Variants in TMEM209 observed in about 807,000 individuals in gnomAD.
TMEM209 encodes testicular tissue protein Li 202.
Under a neutral mutation model 76.2 loss-of-function variants are expected in TMEM209, and 65 were observed. That is an observed-to-expected ratio of 0.85 (90% CI 0.70 to 1.05). The LOEUF (loss-of-function observed/expected upper bound fraction) is 1.05. Ranked by LOEUF, TMEM209 falls within the 50% of genes least tolerant of loss-of-function variation. The probability of loss-of-function intolerance (pLI) is 0.00; values close to 1 mark genes in which losing one functional copy is unlikely to be tolerated. For missense variants in TMEM209, 623 were observed against 685.5 expected (o/e 0.91, Z 1.02); for synonymous variants, 239 against 237.6 (o/e 1.01, Z -0.06).
intron 10 of TMEM209, among the ~76,000 whole-genome samples, chr7:130,176,656 A>G (rs1584670694): frequency 6.6e-5 from 10 of 152,168 alleles, no homozygotes; most frequent in Admixed American, 6.5e-4. Context: ...ACTAAAGACA[A>G]ACAATCCAGT....
intron 6 of TMEM209, among the ~76,000 whole-genome samples, chr7:130,186,515 AATAGAG>A (rs1797602754): frequency 6.6e-6 from 1 of 152,228 alleles, no homozygotes. Context: ...TGATTTAATA[AATAGAG>A]AACAGAAATG....
rs1442100194 is a variant in TMEM209, at chr7:130,192,773, T to C, written c.624A>G (p.Gly208=). The part of the protein sequence containing the change: ...SPPSPYPTTV[G]PVESSGLRSR... ...ATCTCAATCCACTGCTCTCCACTGG[T>C]CCAACAGTGGTAGGGTACGGAGAAG... is the stretch of plus-strand genomic sequence containing the variant. The change falls in exon 6 of 15, where the codon GGA becomes GGG. Residue 208 remains glycine (G), a synonymous_variant. Coordinates refer to ENST00000397622, the MANE Select transcript of TMEM209 (RefSeq NM_032842.4). 3 of 1,613,838 alleles carry C rather than the reference T, an allele frequency of 1.9e-6. No homozygotes were observed. The African/African-American group carries it at 4.0e-5, about 22-fold the overall frequency.
Position 130,192,763 on chromosome 7 carries a change from T to TCTC in TMEM209, c.631_633dup (p.Glu211dup). On this transcript the variant is annotated inframe_insertion, in exon 6 of 15. Coordinates refer to ENST00000397622, the MANE Select transcript of TMEM209 (RefSeq NM_032842.4). ...CGGTAGCGAGATCTCAATCCACTGC[T>TCTC]CTCCACTGGTCCAACAGTGGTAGGG... is the stretch of plus-strand genomic sequence containing the variant. The TCTC allele has an allele frequency of 6.2e-7, 1 of 1,613,928 alleles. No homozygotes were observed. The highest frequency in any genetic ancestry group is 8.5e-7 in the Non-Finnish European group (1 of 1,179,852).
chr7:130,195,584 T>C (rs963530061), intron 5 of TMEM209, among the ~76,000 whole-genome samples: 2 of 152,024 alleles, frequency 1.3e-5, no homozygotes, highest in African/African-American at 2.4e-5. Flanking sequence ...CTTGCATTGT[T>C]AGGATAAATT....
chr7:130,193,399 G>A (rs1347102878), intron 5 of TMEM209, among the ~76,000 whole-genome samples: 2 of 152,098 alleles, frequency 1.3e-5, no homozygotes, highest in Non-Finnish European at 1.5e-5. Flanking sequence ...TTAGCTGGGC[G>A]TGGTGGTGCA....
At chr7:130,196,237 G>A (rs1450922318) in intron 5 of TMEM209, among the ~76,000 whole-genome samples, 3 of 151,786 alleles carry the variant, frequency 2.0e-5, no homozygotes, top group African/African-American at 7.3e-5. Flanking sequence ...AAAACTTAAG[G>A]GCCCTACAGT....
At chr7:130,182,002 G>A (rs777741586) in intron 8 of TMEM209, 119 of 271,064 alleles carry the variant, frequency 4.4e-4, no homozygotes, top group Admixed American at 1.6e-3. Context: ...GTGCAATGGC[G>A]CAATCTCAGC....
intron 6 of TMEM209, among the ~76,000 whole-genome samples, chr7:130,188,595 CAAAAAA>C (rs10649977): frequency 6.2e-4 from 45 of 72,676 alleles, no homozygotes; most frequent in African/African-American, 2.4e-3. Context: ...GACTCCGTAT[CAAAAAA>C]AAAAAAAAAA....
intron 5 of TMEM209, among the ~76,000 whole-genome samples, chr7:130,193,460 C>T (rs983288726): frequency 2.0e-5 from 3 of 151,672 alleles, no homozygotes; most frequent in African/African-American, 7.3e-5. Flanking sequence ...ATCGCTTAAA[C>T]CCCGGGAGGC....
At chr7:130,171,835 C>T (rs184495627) in intron 13 of TMEM209, among the ~76,000 whole-genome samples, 6 of 152,238 alleles carry the variant, frequency 3.9e-5, no homozygotes, top group African/African-American at 1.2e-4. Flanking sequence ...CAAGACCATC[C>T]TGGCTAACAC....
chr7:130,168,122 G>A (rs1796938337), intron 14 of TMEM209, among the ~76,000 whole-genome samples: 3 of 152,058 alleles, frequency 2.0e-5, no homozygotes, highest in Admixed American at 6.5e-5. Flanking sequence ...ATGACAGACC[G>A]TATATGGCAC....
Position 130,181,777 on chromosome 7 carries a change from T to C in TMEM209, c.1024-58A>G, listed in dbSNP as rs180788833. 683 of 1,396,280 alleles carry C rather than the reference T, an allele frequency of 4.9e-4. 3 individuals carry two copies. The African/African-American group carries it at 8.6e-3, about 18-fold the overall frequency. 86.5% of individuals were successfully genotyped at this position (1,396,280 alleles called of 1,614,324 possible). A position where few individuals can be genotyped will look rare whatever the true frequency, so the allele number is the denominator to read the frequency against. The stretch of plus-strand genomic sequence containing the variant: ...TAATTCCCAAGTAGCTGTCAAATAA[T>C]TACTTTCTTTTTTACAAGCAACTCT... On this transcript the variant is annotated intron_variant, in intron 8 of 14. Coordinates refer to ENST00000397622, the MANE Select transcript of TMEM209 (RefSeq NM_032842.4).
intron 13 of TMEM209, among the ~76,000 whole-genome samples, chr7:130,173,113 A>AT (rs1797127231): frequency 6.6e-6 from 1 of 152,078 alleles, no homozygotes; most frequent in African/African-American, 2.4e-5. Context: ...ATTTTAGCCC[A>AT]TAAAAAATAT....
rs568024104 is a variant in TMEM209 at position 130,192,570 on chromosome 7, A to G, written c.775+52T>C. ...ATTAAAATAATGAAAATAGTAGGTTAAGGATTGACACCAAAAATATGTATA... is the reference window on the plus strand; with the variant it reads ...ATTAAAATAATGAAAATAGTAGGTTGAGGATTGACACCAAAAATATGTATA... On this transcript the variant is annotated intron_variant, in intron 6 of 14. Transcript: ENST00000397622. The G allele has an allele frequency of 3.6e-5, 53 of 1,481,958 alleles. No homozygotes were observed. The African/African-American group carries it at 6.2e-4, about 17-fold the overall frequency. The allele number at this position is 1,481,958 out of a possible 1,614,324, so 91.8% of individuals were successfully genotyped here.
At chr7:130,166,529 AT>A in intron 14 of TMEM209, 24 bp from the exon 15 acceptor site, 1 of 1,476,298 alleles carries the variant, frequency 6.8e-7, no homozygotes, top group Non-Finnish European at 9.0e-7. Context: ...AAAAATTTTT[AT>A]TAGAATTGGT....
rs1302735804 is a variant in TMEM209, at chr7:130,201,851, T to C, written c.572A>G (p.Lys191Arg). The C allele has an allele frequency of 1.2e-6, 2 of 1,613,810 alleles. No homozygotes were observed. Among genetic ancestry groups the C allele is most frequent in the African/African-American group, 2.7e-5 (2 of 74,942 alleles). ...VTYSPVSGYN[K>R]LASFSPSPPS... ...TAGACAAGAGAAGAGAGTCATTACC[T>C]TATTATAACCACTGACGGGCGAGTA... Residue 191 changes from lysine to arginine, a missense_variant and splice_region_variant, in exon 5 of 15, where the codon AAG (lysine) becomes AGG (arginine). Lys to Arg is a conservative substitution (Grantham distance 26). Coordinates refer to ENST00000397622, the MANE Select transcript of TMEM209 (RefSeq NM_032842.4).
At chr7:130,178,036 C>A (rs907281549) in intron 10 of TMEM209, among the ~76,000 whole-genome samples, 6 of 152,110 alleles carry the variant, frequency 3.9e-5, no homozygotes, top group Non-Finnish European at 8.8e-5. Flanking sequence ...TCAAGTCAGT[C>A]TCCTCAGGAG....
At chr7:130,190,131 AC>A (rs1400510182) in intron 6 of TMEM209, among the ~76,000 whole-genome samples, 2 of 152,202 alleles carry the variant, frequency 1.3e-5, no homozygotes, top group Non-Finnish European at 2.9e-5. Flanking sequence ...GGGAGAAGAA[AC>A]CTTTATCTTA....
intron 6 of TMEM209, among the ~76,000 whole-genome samples, chr7:130,190,100 G>A (rs7792229): frequency 1.2e-4 from 19 of 152,080 alleles, no homozygotes; most frequent in South Asian, 2.1e-4. Flanking sequence ...CAATCAAATC[G>A]TCAACATAAG....
Sources: gnomAD v4.1 joint callset for allele counts (sites outside exome capture counted in the v4.1 genomes callset) on GRCh38, gnomAD v4.1.1 for gene constraint, MANE v1.5 for transcripts, NCBI Gene and HGNC (gene_info 2026-07-23, HGNC 2026-07-21) for gene names.